Variants in CCDC85A observed in about 807,000 individuals in gnomAD.
The protein encoded by CCDC85A is coiled-coil domain-containing protein 85A.
A neutral mutation model predicts 50.2 loss-of-function variants in CCDC85A; 38 were observed. The observed-to-expected ratio is 0.76, with a 90% confidence interval of 0.58 to 0.99. The LOEUF (loss-of-function observed/expected upper bound fraction) is 0.99, where lower values mean the gene tolerates loss of function less well. CCDC85A is among the 50% of genes least tolerant of loss of function. The pLI is 0.00. For missense variants in CCDC85A, 820 were observed against 742.0 expected, an observed-to-expected ratio of 1.11 and a Z score of -1.22; for synonymous variants, 366 against 301.4, an observed-to-expected ratio of 1.21 and a Z score of -2.22.
At chr2:56,266,276 A>G (rs968952417) in intron 2 of CCDC85A, among the ~76,000 whole-genome samples, 6 of 152,178 alleles carry the variant, frequency 3.9e-5, no homozygotes, top group Admixed American at 3.9e-4. Flanking sequence ...TGTATTTCAA[A>G]CTAGCTGAAA....
At chr2:56,251,351 A>T (rs1403374334) in intron 2 of CCDC85A, among the ~76,000 whole-genome samples, 1 of 152,138 alleles carries the variant, frequency 6.6e-6, no homozygotes, top group Non-Finnish European at 1.5e-5. Flanking sequence ...GGCCCATATG[A>T]GTGGAAAATA....
chr2:56,183,872 T>A (rs1675865682), upstream of CCDC85A: 2 of 984,876 alleles, frequency 2.0e-6, no homozygotes, highest in South Asian at 4.7e-5. Context: ...GGAGCGCACC[T>A]CGAGGGCCCG....
chr2:56,201,112 A>T (rs1276307968), intron 2 of CCDC85A, among the ~76,000 whole-genome samples: 1 of 150,330 alleles, frequency 6.7e-6, no homozygotes, highest in African/African-American at 2.5e-5. Context: ...ACACACACAC[A>T]CACACACACA....
chr2:56,292,085 T>C (rs540423474), intron 2 of CCDC85A, among the ~76,000 whole-genome samples: 73 of 152,222 alleles, frequency 4.8e-4, no homozygotes, highest in African/African-American at 1.8e-3. Flanking sequence ...TAATTTTCTT[T>C]TCGTTTTTTC....
At chr2:56,185,892 A>T (rs959005740) in intron 1 of CCDC85A, 3 of 152,284 alleles carry the variant, frequency 2.0e-5, no homozygotes, top group African/African-American at 7.2e-5. Context: ...AGGAAGCCAG[A>T]CACAAACGAA....
intron 3 of CCDC85A, among the ~76,000 whole-genome samples, chr2:56,369,365 T>C (rs1423263031): frequency 1.3e-5 from 2 of 152,068 alleles, no homozygotes; most frequent in Non-Finnish European, 2.9e-5. Context: ...GAAGAGAAAA[T>C]GTTGCAGATG....
At chr2:56,287,582 C>G (rs1417837861) in intron 2 of CCDC85A, among the ~76,000 whole-genome samples, 1 of 152,130 alleles carries the variant, frequency 6.6e-6, no homozygotes, top group African/African-American at 2.4e-5. Context: ...AAGTTGAAGT[C>G]ACATTCTTTG....
chr2:56,225,047 A>G (rs1258694007), intron 2 of CCDC85A, among the ~76,000 whole-genome samples: 1 of 151,516 alleles, frequency 6.6e-6, no homozygotes, highest in Non-Finnish European at 1.5e-5. Flanking sequence ...AGATATTTAT[A>G]GTTTTAGTTA....
At chr2:56,332,491 G>C (rs2111472) in intron 2 of CCDC85A, among the ~76,000 whole-genome samples, 63,251 of 151,940 alleles carry the variant, frequency 0.42, 14,743 homozygotes, top group African/African-American at 0.64. Context: ...TCTCTCATGA[G>C]TTAGCCATCT....
intron 2 of CCDC85A, among the ~76,000 whole-genome samples, chr2:56,200,034 A>G (rs1306356309): frequency 1.3e-5 from 2 of 152,044 alleles, no homozygotes; most frequent in Non-Finnish European, 2.9e-5. Flanking sequence ...ACGCCTAGCT[A>G]ATTTTTGTAC....
chr2:56,219,580 T>TA (rs1668231623), intron 2 of CCDC85A, among the ~76,000 whole-genome samples: 1 of 151,834 alleles, frequency 6.6e-6, no homozygotes, highest in Non-Finnish European at 1.5e-5. Context: ...CTATTTCCTC[T>TA]GTCTAGAATG....
intron 2 of CCDC85A, among the ~76,000 whole-genome samples, chr2:56,269,056 C>G (rs890452518): frequency 3.3e-5 from 5 of 152,100 alleles, no homozygotes; most frequent in African/African-American, 9.7e-5. Context: ...TATTTCAGGA[C>G]TTGTTTTCTC....
intron 1 of CCDC85A, among the ~76,000 whole-genome samples, chr2:56,186,863 C>T (rs1375177034): frequency 6.6e-6 from 1 of 152,134 alleles, no homozygotes; most frequent in African/African-American, 2.4e-5. Context: ...AAGAAAGTCT[C>T]CTTGTGATCT....
chr2:56,335,397 C>G (rs1558646906), intron 2 of CCDC85A, among the ~76,000 whole-genome samples: 1 of 152,094 alleles, frequency 6.6e-6, no homozygotes, highest in African/African-American at 2.4e-5. Flanking sequence ...CTATTGGCCT[C>G]TTTTGCTGAG....
intron 2 of CCDC85A, among the ~76,000 whole-genome samples, chr2:56,208,466 A>G (rs568856845): frequency 6.6e-6 from 1 of 152,274 alleles, no homozygotes; most frequent in Non-Finnish European, 1.5e-5. Context: ...AAGTAGTGGT[A>G]TAGGTTACAA....
intron 2 of CCDC85A, among the ~76,000 whole-genome samples, chr2:56,240,037 CT>C (rs1427794850): frequency 1.3e-5 from 2 of 151,894 alleles, no homozygotes; most frequent in Non-Finnish European, 2.9e-5. Context: ...TGCATATATC[CT>C]AAAATTCACC....
At chr2:56,366,091 C>T (rs1279430337) in intron 3 of CCDC85A, among the ~76,000 whole-genome samples, 1 of 152,040 alleles carries the variant, frequency 6.6e-6, no homozygotes. Flanking sequence ...ACAGGATTTC[C>T]TTCGTTTTTA....
chr2:56,336,414 A>T (rs1674078222), intron 2 of CCDC85A, among the ~76,000 whole-genome samples: 1 of 152,168 alleles, frequency 6.6e-6, no homozygotes, highest in Admixed American at 6.5e-5. Flanking sequence ...TTGGCCTCCC[A>T]AAGTGCTAGG....
chr2:56,362,005 C>G (rs1451524458), intron 3 of CCDC85A, among the ~76,000 whole-genome samples: 2 of 151,982 alleles, frequency 1.3e-5, no homozygotes, highest in Admixed American at 6.6e-5. Flanking sequence ...GTTAGACTCA[C>G]AGTGTGTTTT....
Sources: allele counts gnomAD v4.1 joint callset (sites outside exome capture counted in the v4.1 genomes callset), GRCh38; gene constraint gnomAD v4.1.1; transcripts MANE v1.5; gene names NCBI Gene and HGNC (gene_info 2026-07-23, HGNC 2026-07-21).